The following MAGI1 variants were observed in gnomAD, a reference collection of about 807,000 sequenced individuals.
The protein encoded by MAGI1 is membrane associated guanylate kinase, WW and PDZ domain containing 1, also known as membrane-associated guanylate kinase, WW and PDZ domain-containing protein 1.
MAGI1 carries 58 observed loss-of-function variants against 139.9 expected under a neutral mutation model. The ratio of observed to expected loss-of-function variants is 0.41; its 90% CI spans 0.34 to 0.52. The LOEUF (loss-of-function observed/expected upper bound fraction) is 0.52, where lower values mean the gene tolerates loss of function less well. Among genes scored for constraint, MAGI1 ranks in the 20% least tolerant of loss-of-function variants. The pLI, the probability that MAGI1 is intolerant of heterozygous loss-of-function variation, is 0.12. For missense variants in MAGI1, 1,874 were observed against 1,901.6 expected, an observed-to-expected ratio of 0.99 and a Z score of 0.27; for synonymous variants, 812 against 737.9, an observed-to-expected ratio of 1.10 and a Z score of -1.63.
chr3:65,673,630 A>G (rs1045067210), intron 1 of MAGI1, among the ~76,000 whole-genome samples: 4 of 152,192 alleles, frequency 2.6e-5, no homozygotes, highest in African/African-American at 9.7e-5. Context: ...GGTAAGGACC[A>G]TGGACAGGAT....
chr3:65,956,109 G>A (rs913319826), intron 1 of MAGI1, among the ~76,000 whole-genome samples: 12 of 152,088 alleles, frequency 7.9e-5, no homozygotes, highest in Admixed American at 4.6e-4. Flanking sequence ...GACTTTTGAC[G>A]TCTAATGCTC....
chr3:65,872,178 C>T (rs1247604942), intron 1 of MAGI1, among the ~76,000 whole-genome samples: 1 of 152,144 alleles, frequency 6.6e-6, no homozygotes, highest in Non-Finnish European at 1.5e-5. Context: ...ATGGAAAGCC[C>T]TTGGTAAATG....
chr3:65,896,427 T>C (rs2060972545), intron 1 of MAGI1, among the ~76,000 whole-genome samples: 1 of 152,106 alleles, frequency 6.6e-6, no homozygotes, highest in African/African-American at 2.4e-5. Flanking sequence ...GACTCAGGAA[T>C]ATCACATCTG....
chr3:65,610,916 C>T (rs2083046747), intron 2 of MAGI1, among the ~76,000 whole-genome samples: 1 of 136,358 alleles, frequency 7.3e-6, no homozygotes, highest in Non-Finnish European at 1.5e-5. Context: ...AGTATATAGA[C>T]ACTATATAGT....
chr3:65,797,012 A>G (rs1003881728), intron 1 of MAGI1, among the ~76,000 whole-genome samples: 4 of 150,278 alleles, frequency 2.7e-5, no homozygotes, highest in Non-Finnish European at 5.9e-5. Context: ...AATCATCTGT[A>G]TTTTTTTTTT....
At chr3:65,869,643 G>A (rs1005720830) in intron 1 of MAGI1, among the ~76,000 whole-genome samples, 8 of 151,880 alleles carry the variant, frequency 5.3e-5, no homozygotes, top group African/African-American at 1.5e-4. Context: ...TTTGTGATCC[G>A]CCCACCTCGG....
At chr3:65,703,651 G>C (rs1481588882) in intron 1 of MAGI1, among the ~76,000 whole-genome samples, 3 of 152,162 alleles carry the variant, frequency 2.0e-5, no homozygotes. Context: ...CACACTAATA[G>C]AAAGTGGCAG....
chr3:65,988,745 T>C (rs1288766152), intron 1 of MAGI1, among the ~76,000 whole-genome samples: 3 of 152,196 alleles, frequency 2.0e-5, no homozygotes, highest in Non-Finnish European at 2.9e-5. Context: ...GCTTCTATCA[T>C]TATAATTAGA....
In MAGI1 at chr3:65,884,718, A is replaced by G. The variant is rs966738898; in HGVS notation, c.313+153278T>C. Among the ~76,000 whole-genome samples the G allele has an allele frequency of 6.4e-4, 97 of 152,138 alleles. 1 individual carries two copies. Among genetic ancestry groups the G allele is most frequent in the Non-Finnish European group, 1.2e-4 (8 of 68,026 alleles). ...CCCAGGTAATGAACACAATCCCACC[A>G]GGCATTTTTCAACCCCTTCCTCCAT... On this transcript the variant is annotated intron_variant, in intron 1 of 22. Transcript: ENST00000402939.
intron 12 of MAGI1, among the ~76,000 whole-genome samples, chr3:65,414,657 T>C (rs944225693): frequency 1.3e-5 from 2 of 152,090 alleles, no homozygotes; most frequent in Non-Finnish European, 2.9e-5. Flanking sequence ...AACTGAGCAA[T>C]TGATCCTAAG....
chr3:66,022,450 T>C (rs1315727917), intron 1 of MAGI1, among the ~76,000 whole-genome samples: 6 of 152,202 alleles, frequency 3.9e-5, no homozygotes, highest in Non-Finnish European at 7.3e-5. Flanking sequence ...TCTTCAAAAG[T>C]TTTCTCTTTT....
intron 1 of MAGI1, among the ~76,000 whole-genome samples, chr3:65,749,548 A>C (rs1179462657): frequency 6.6e-6 from 1 of 152,098 alleles, no homozygotes; most frequent in African/African-American, 2.4e-5. Context: ...GATGAGGGAT[A>C]AAAGACTACA....
intron 1 of MAGI1, among the ~76,000 whole-genome samples, chr3:65,624,114 C>T (rs921090573): frequency 6.6e-6 from 1 of 152,130 alleles, no homozygotes; most frequent in Admixed American, 6.5e-5. Flanking sequence ...AGTAAAAAGA[C>T]TGAAAGTATC....
Position 65,470,352 on chromosome 3 carries a change from T to A in MAGI1, c.890A>T (p.Asp297Val), listed in dbSNP as rs1017454273. The A allele has an allele frequency of 1.2e-6, 2 of 1,613,834 alleles. No homozygotes were observed. The highest frequency in any genetic ancestry group is 1.7e-6 in the Non-Finnish European group (2 of 1,179,814). Residue 297 changes from aspartate (D) to valine (V), a missense_variant, in exon 5 of 23, where the codon GAT (aspartate) becomes GTT (valine). Physicochemically the swap from Asp to Val is radical, Grantham distance 152 (BLOSUM62 -3). This residue lies in a region of MAGI1 where 648 missense variants were observed against 598.1 expected (regional missense o/e 1.08). Transcript: ENST00000402939. The stretch of plus-strand genomic sequence containing the variant: ...GTTTTCAGGTAGAGGACCTAAATTA[T>A]CCTCTGCAGAAAGAGGTAGGTATTG... The part of the protein sequence containing the change: ...FPQYLPLSAE[D>V]NLGPLPENWE...
rs200667847 is a variant in MAGI1 at position 65,984,708 on chromosome 3, TTTTC to T, written c.313+53284_313+53287del. 4.2e-3 allele frequency among the ~76,000 whole-genome samples: 266 copies of T among 63,012 alleles called. 35 individuals are homozygous for T. Among genetic ancestry groups the T allele is most frequent in the East Asian group, 0.014 (10 of 738 alleles). 41.3% of individuals were successfully genotyped at this position (63,012 alleles called of 152,430 possible). On this transcript the variant is annotated intron_variant, in intron 1 of 22. Coordinates refer to ENST00000402939, the MANE Select transcript of MAGI1 (RefSeq NM_001033057.2). Reference sequence around the variant, plus strand: ...GCACCACCATGCCTTGCTAATTTTTTTTTCTTTTTTTTTTTTTTTTTAGAGATAG... The same window carrying T: ...GCACCACCATGCCTTGCTAATTTTTTTTTTTTTTTTTTTTTTTAGAGATAG...
intron 1 of MAGI1, among the ~76,000 whole-genome samples, chr3:65,784,098 G>A (rs2039176613): frequency 6.6e-6 from 1 of 151,436 alleles, no homozygotes. Context: ...ACTCCAGCCT[G>A]GGCAACAGAG....
At chr3:65,368,440 C>T (rs1941651958) in intron 18 of MAGI1, among the ~76,000 whole-genome samples, 1 of 152,178 alleles carries the variant, frequency 6.6e-6, no homozygotes, top group South Asian at 2.1e-4. Flanking sequence ...ACAGCCCTGT[C>T]CAGGGACTAT....
chr3:65,418,345 C>T (rs1946383837), intron 12 of MAGI1, among the ~76,000 whole-genome samples: 2 of 152,174 alleles, frequency 1.3e-5, no homozygotes, highest in Admixed American at 6.5e-5. Flanking sequence ...CTCAGTCCTT[C>T]ATGAAGAACA....
At chr3:65,707,751 C>T (rs1005308016) in intron 1 of MAGI1, among the ~76,000 whole-genome samples, 20 of 150,714 alleles carry the variant, frequency 1.3e-4, no homozygotes, top group Non-Finnish European at 2.4e-4. Context: ...ATTATTAAGC[C>T]ACAAAGATAA....
Sources: gnomAD v4.1 joint callset for allele counts (sites outside exome capture counted in the v4.1 genomes callset) on GRCh38, gnomAD v4.1.1 for gene constraint, gnomAD v4.1.1 regional missense constraint, MANE v1.5 for transcripts, NCBI Gene and HGNC (gene_info 2026-07-23, HGNC 2026-07-21) for gene names.